GRIK4: variants seen among roughly 807,000 people sequenced by gnomAD.
The protein encoded by GRIK4 is glutamate receptor ionotropic, kainate 4.
GRIK4 carries 40 observed loss-of-function variants against 104.9 expected under a neutral mutation model. The observed-to-expected ratio is 0.38, with a 90% CI of 0.30 to 0.50. GRIK4 has a LOEUF of 0.50. Among genes scored for constraint, GRIK4 ranks in the 20% least tolerant of loss-of-function variants. The probability of loss-of-function intolerance (pLI) is 0.93; values close to 1 mark genes in which losing one functional copy is unlikely to be tolerated. For synonymous variants in GRIK4, 485 were observed against 524.9 expected (o/e 0.92, Z 1.04); for missense variants, 1,047 against 1,308.1 (o/e 0.80, Z 3.08).
At chr11:120,788,328 G>A (rs1432260597) in intron 3 of GRIK4, among the ~76,000 whole-genome samples, 8 of 152,164 alleles carry the variant, frequency 5.3e-5, no homozygotes, top group South Asian at 2.1e-4. Context: ...AGAGGGTGGC[G>A]GGCGGCATTG....
In GRIK4 at chr11:120,929,683, C is replaced by A. The variant is rs1943438453; in HGVS notation, c.1477-10664C>A. 3.9e-5 allele frequency among the ~76,000 whole-genome samples: 6 copies of A among 152,160 alleles called. No individual in the cohort carries two copies. In the South Asian group the frequency reaches 1.2e-3, roughly 32 times the overall value. On this transcript the variant is annotated intron_variant, in intron 13 of 20. Coordinates refer to ENST00000527524, the MANE Select transcript of GRIK4 (RefSeq NM_014619.5). ...TTCCTTCCCGGGCTGTAATTAACAC[C>A]CCTCCGCTGATAGCTGCTTTAAGCC...
chr11:120,823,329 A>G (rs554332613), intron 6 of GRIK4, among the ~76,000 whole-genome samples: 1 of 152,220 alleles, frequency 6.6e-6, no homozygotes, highest in Non-Finnish European at 1.5e-5. Context: ...CACACTAAGC[A>G]CTATGCTAAT....
intron 3 of GRIK4, among the ~76,000 whole-genome samples, chr11:120,691,078 CT>C (rs1393976179): frequency 6.6e-6 from 1 of 152,202 alleles, no homozygotes; most frequent in East Asian, 1.9e-4. Flanking sequence ...CAAGAATGGT[CT>C]GAATAGGGGG....
chr11:120,975,374 TTAGA>T (rs1262029892), intron 19 of GRIK4, among the ~76,000 whole-genome samples: 1 of 152,194 alleles, frequency 6.6e-6, no homozygotes, highest in Non-Finnish European at 1.5e-5. Context: ...ATATGGGAAT[TTAGA>T]TAGTGTTTCA....
intron 1 of GRIK4, among the ~76,000 whole-genome samples, chr11:120,565,368 T>C (rs955776819): frequency 2.0e-5 from 3 of 152,198 alleles, no homozygotes; most frequent in Non-Finnish European, 4.4e-5. Context: ...CATCCTCTCC[T>C]CCTTTAATTA....
chr11:120,814,958 C>T (rs993374994), intron 4 of GRIK4, among the ~76,000 whole-genome samples: 3 of 152,224 alleles, frequency 2.0e-5, no homozygotes, highest in Non-Finnish European at 4.4e-5. Context: ...TGCCTTCCTT[C>T]TCCCAGACTC....
chr11:120,741,304 G>A (rs1390482666), intron 3 of GRIK4, among the ~76,000 whole-genome samples: 1 of 126,104 alleles, frequency 7.9e-6, no homozygotes, highest in East Asian at 2.1e-4. Context: ...TTTTTGAGAC[G>A]GAGTCTCACT....
rs148012239 is a variant in GRIK4 at position 120,956,572 on chromosome 11, A to C, written c.1701-208A>C. On this transcript the variant is annotated intron_variant, in intron 15 of 20. Transcript: ENST00000527524. The surrounding 1 kb of genome is among the most constrained non-coding windows in gnomAD (Gnocchi z 4.6). ...GGGGGTAAAAATGTCTCTTTGATTA[A>C]AAAAAAGTTTGAGAACCATCAACCC... is the stretch of plus-strand genomic sequence containing the variant. 1.2e-3 allele frequency among the ~76,000 whole-genome samples: 182 copies of C among 152,172 alleles called. No individual in the cohort carries two copies. Among genetic ancestry groups the C allele is most frequent in the African/African-American group, 4.0e-3 (168 of 41,522 alleles).
At chr11:120,602,242 G>T (rs1688327377) in intron 1 of GRIK4, among the ~76,000 whole-genome samples, 1 of 152,154 alleles carries the variant, frequency 6.6e-6, no homozygotes, top group African/African-American at 2.4e-5. Context: ...TCTCTAAAAT[G>T]ATAAAAAGGT....
intron 3 of GRIK4, among the ~76,000 whole-genome samples, chr11:120,680,883 A>G (rs1950182363): frequency 6.6e-6 from 1 of 152,162 alleles, no homozygotes. Context: ...TCTCCCTGTA[A>G]CACTAACGTT....
intron 3 of GRIK4, among the ~76,000 whole-genome samples, chr11:120,681,430 A>G (rs1301205033): frequency 1.3e-5 from 2 of 152,156 alleles, no homozygotes; most frequent in Non-Finnish European, 2.9e-5. Context: ...CGAGGCTGCA[A>G]CAGGTGCTGC....
intron 3 of GRIK4, among the ~76,000 whole-genome samples, chr11:120,683,230 T>C (rs1456567692): frequency 6.6e-6 from 1 of 152,126 alleles, no homozygotes; most frequent in East Asian, 1.9e-4. Context: ...TGATGTTGGC[T>C]TGGAGGGTAA....
At chr11:120,888,421 G>A (rs10892635) in intron 11 of GRIK4, among the ~76,000 whole-genome samples, 66,418 of 151,934 alleles carry the variant, frequency 0.44, 18,140 homozygotes, top group African/African-American at 0.78. Context: ...GGGAAGATTA[G>A]ATGAGATGAC....
In GRIK4 at chr11:120,905,531, CTGGG is replaced by C; in HGVS notation, c.1476+39_1476+42del. The C allele has an allele frequency of 2.1e-6, 1 of 469,010 alleles. No homozygotes were observed. The highest frequency in any genetic ancestry group is 6.1e-5 in the East Asian group (1 of 16,368). The allele number at this position is 469,010 out of a possible 1,614,324, so 29.1% of individuals were successfully genotyped here. ...CAAGTGATCTGGGCCTGAGGGTGGG[CTGGG>C]AGGGATTGGAAGAGCATGAGGTTGT... On this transcript the variant is annotated intron_variant, in intron 13 of 20. Coordinates refer to ENST00000527524, the MANE Select transcript of GRIK4 (RefSeq NM_014619.5). The surrounding 1 kb of genome is among the most constrained non-coding windows in gnomAD (Gnocchi z 5.1).
chr11:120,860,813 G>T (rs1201553724), intron 8 of GRIK4, among the ~76,000 whole-genome samples: 1 of 152,148 alleles, frequency 6.6e-6, no homozygotes, highest in African/African-American at 2.4e-5. Context: ...AAGCAAACTT[G>T]GTTTTGGCAT....
chr11:120,757,211 G>A (rs138803631), intron 3 of GRIK4, among the ~76,000 whole-genome samples: 1 of 152,342 alleles, frequency 6.6e-6, no homozygotes, highest in East Asian at 1.9e-4. Context: ...CCTCTAGGGA[G>A]ATAAAAATGT....
At chr11:120,562,447 G>A (rs543115070) in intron 1 of GRIK4, among the ~76,000 whole-genome samples, 6 of 152,320 alleles carry the variant, frequency 3.9e-5, no homozygotes, top group African/African-American at 1.4e-4. Flanking sequence ...GCTGGGGAGG[G>A]CTTCCTGGAG....
intron 3 of GRIK4, among the ~76,000 whole-genome samples, chr11:120,709,229 C>A (rs890639680): frequency 1.3e-5 from 2 of 151,734 alleles, no homozygotes; most frequent in Non-Finnish European, 2.9e-5. Flanking sequence ...AAGTTTGAGA[C>A]CCACTTCTTG....
intron 1 of GRIK4, among the ~76,000 whole-genome samples, chr11:120,617,933 T>G (rs984468032): frequency 1.3e-5 from 2 of 151,968 alleles, no homozygotes; most frequent in Non-Finnish European, 2.9e-5. Flanking sequence ...GTATCGGGAG[T>G]GGGGTATTGC....
Sources: allele counts gnomAD v4.1 joint callset (sites outside exome capture counted in the v4.1 genomes callset), GRCh38; gene constraint gnomAD v4.1.1; non-coding constraint Gnocchi (gnomAD v3.1); transcripts MANE v1.5; gene names NCBI Gene and HGNC (gene_info 2026-07-23, HGNC 2026-07-21).